NCOR2: variants seen among roughly 807,000 people sequenced by gnomAD.
NCOR2 encodes CTG repeat protein 26.
A neutral mutation model predicts 262.9 loss-of-function variants in NCOR2; 81 were observed. The observed-to-expected ratio is 0.31, with a 90% CI of 0.26 to 0.37. The LOEUF (loss-of-function observed/expected upper bound fraction) is 0.37. NCOR2 is among the 10% of genes least tolerant of loss of function. The pLI is 1.00. For synonymous variants in NCOR2, 1,659 were observed against 1,559.3 expected, an observed-to-expected ratio of 1.06 and a Z score of -1.51; for missense variants, 3,385 against 3,621.4, an observed-to-expected ratio of 0.93 and a Z score of 1.68.
chr12:124,517,236 T>C lies in NCOR2; in HGVS notation c.-118+18329A>G, dbSNP rs1023193826. ...CCAGGTCTGTGGCAAAGGAGCAACA[T>C]TGCCTGGAAGCCCAGCCCCCTCCCT... On this transcript the variant is annotated intron_variant, in intron 1 of 46. Transcript: ENST00000404621. The surrounding 1 kb of genome is among the most constrained non-coding windows in gnomAD (Gnocchi z 7.6). 4.6e-5 allele frequency among the ~76,000 whole-genome samples: 7 copies of C among 152,144 alleles called. No homozygotes were observed. The highest frequency in any genetic ancestry group is 4.2e-4 in the South Asian group (2 of 4,804).
intron 6 of NCOR2, among the ~76,000 whole-genome samples, chr12:124,452,691 G>A (rs928646554): frequency 2.0e-5 from 3 of 152,232 alleles, no homozygotes; most frequent in Non-Finnish European, 2.9e-5. Flanking sequence ...GGCACAGGGC[G>A]GGTGCAGAAA....
intron 1 of NCOR2, among the ~76,000 whole-genome samples, chr12:124,501,178 G>A (rs990332928): frequency 2.0e-5 from 3 of 151,996 alleles, no homozygotes; most frequent in Admixed American, 6.5e-5. Context: ...GAACCACGGC[G>A]GGAACACAGG....
chr12:124,412,851 C>T (rs1211106603), intron 13 of NCOR2, among the ~76,000 whole-genome samples: 2 of 152,204 alleles, frequency 1.3e-5, no homozygotes, highest in Non-Finnish European at 2.9e-5. Context: ...CCGGTGATTC[C>T]GACATGCACT....
chr12:124,553,487 G>A (rs901364528), intron 1 of NCOR2, among the ~76,000 whole-genome samples: 1 of 152,190 alleles, frequency 6.6e-6, no homozygotes, highest in East Asian at 1.9e-4. Flanking sequence ...CCCAACAGGC[G>A]ATTCCCCAGG....
At chr12:124,336,592 A>G (rs1593106494) in intron 38 of NCOR2, 161 bp downstream of exon 40, 1 of 983,200 alleles carries the variant, frequency 1.0e-6, no homozygotes, top group Non-Finnish European at 1.2e-6. Context: ...AGATCTGAAA[A>G]TATCTTTGGA....
At chr12:124,539,998 C>G (rs1186341253), upstream of NCOR2, among the ~76,000 whole-genome samples, 1 of 152,160 alleles carries the variant, frequency 6.6e-6, no homozygotes, top group Non-Finnish European at 1.5e-5. This position sits in a 1 kb window ranked among gnomAD's most constrained non-coding sequence, Gnocchi z 5.1. Flanking sequence ...GACCAGGACA[C>G]CATCAACCTT....
At position 124,347,881 on chromosome 12, in the gene NCOR2, C is replaced by T. The variant is rs757239625; in HGVS notation, c.4016G>A (p.Arg1339Gln). The T allele has an allele frequency of 1.7e-5, 27 of 1,566,766 alleles. No individual in the cohort carries two copies. Among genetic ancestry groups the T allele is most frequent in the Admixed American group, 1.5e-4 (8 of 52,852 alleles). ...CTCTTTGAGGTGGTGGGGGCTGTGT[C>T]GCTCCGGCGGGATGGCACGGCCCAT... is the stretch of plus-strand genomic sequence containing the variant. The change falls in exon 30 of 47, where the codon CGA (arginine) becomes CAA (glutamine). Residue 1339 changes from arginine (R) to glutamine (Q), a missense_variant. By Grantham distance (43) the Arg-to-Gln change is conservative. This residue lies in a region of NCOR2 where 1,615 missense variants were observed against 1,626.9 expected (regional missense o/e 0.99). Coordinates refer to ENST00000405201, the Ensembl canonical transcript of NCOR2.
At position 124,380,415 on chromosome 12, in the gene NCOR2, A is replaced by G. The variant is rs573152883; in HGVS notation, c.2020-2031T>C. Among the ~76,000 whole-genome samples the G allele has an allele frequency of 1.4e-4, 21 of 152,326 alleles. No homozygotes were observed. The South Asian group carries it at 4.3e-3, about 32-fold the overall frequency. ...GTTTCCGACACCAACAGTCGGCCAGAGGGCCACAGCCCTGCCCCTGCCAGT... is the reference window on the plus strand; with the variant it reads ...GTTTCCGACACCAACAGTCGGCCAGGGGGCCACAGCCCTGCCCCTGCCAGT... On this transcript the variant is annotated intron_variant, in intron 17 of 46. Transcript: ENST00000405201.
chr12:124,506,219 G>A (rs2049027664), intron 1 of NCOR2, among the ~76,000 whole-genome samples: 1 of 152,232 alleles, frequency 6.6e-6, no homozygotes, highest in African/African-American at 2.4e-5. Context: ...AGAAAACTGA[G>A]GCTCGGAAAG....
At chr12:124,362,367 G>A in intron 21 of NCOR2, 70 bp from the exon 24 acceptor site, 1 of 1,295,096 alleles carries the variant, frequency 7.7e-7, no homozygotes, top group Admixed American at 3.2e-5. Flanking sequence ...GGAGAGACAT[G>A]CACGCGACCA....
Position 124,378,342 on chromosome 12 carries a change from C to G in NCOR2, c.2062G>C (p.Ala688Pro), listed in dbSNP as rs2040172121. The G allele has an allele frequency of 1.2e-6, 2 of 1,613,756 alleles. No individual in the cohort carries two copies. Among genetic ancestry groups the G allele is most frequent in the South Asian group, 1.1e-5 (1 of 91,080 alleles). The stretch of plus-strand genomic sequence containing the variant: ...AATGCAGCCTCCTCGCTGGCCGCCG[C>G]CGGCGCTTTCTTCTTCTTCCTCCGC... Residue 688 changes from alanine to proline, a missense_variant, in exon 18 of 47, where the codon GCG (alanine) becomes CCG (proline). Ala to Pro is a conservative substitution (Grantham distance 27). Coordinates refer to ENST00000405201, the Ensembl canonical transcript of NCOR2. The surrounding 1 kb of genome is among the most constrained non-coding windows in gnomAD (Gnocchi z 4.2).
exon 30 of NCOR2, chr12:124,347,862 G>C (rs1258510821): frequency 6.4e-7 from 1 of 1,569,098 alleles, no homozygotes; most frequent in South Asian, 1.2e-5. Flanking sequence ...GCTGCTCTTT[G>C]AGGTGGTGGG....
chr12:124,469,634 A>C (rs2136676502), intron 4 of NCOR2, among the ~76,000 whole-genome samples: 1 of 152,318 alleles, frequency 6.6e-6, no homozygotes, highest in East Asian at 1.9e-4. Context: ...CCAGCTCTGC[A>C]GCCTCAGCCA....
At chr12:124,339,892 T>TTCCCCCCCCCC in intron 37 of NCOR2, 114 bp downstream of exon 39, 5 of 672,808 alleles carry the variant, frequency 7.4e-6, no homozygotes, top group South Asian at 3.6e-5. Flanking sequence ...CCCACACATC[T>TTCCCCCCCCCC]GCCCACCCAC....
At chr12:124,372,254 C>T (rs1292964006) in exon 20 of NCOR2, 3 of 1,587,866 alleles carry the variant, frequency 1.9e-6, no homozygotes, top group Non-Finnish European at 2.6e-6. Flanking sequence ...ACGGGCTCCT[C>T]GGCCTTCCCT....
intron 1 of NCOR2, among the ~76,000 whole-genome samples, chr12:124,560,328 C>T (rs368814289): frequency 9.0e-4 from 137 of 152,364 alleles, no homozygotes; most frequent in African/African-American, 3.2e-3. Context: ...AATGAGTGAG[C>T]GTGGCTGCAT....
At chr12:124,439,616 G>A (rs1335564569) in intron 7 of NCOR2, among the ~76,000 whole-genome samples, 1 of 152,042 alleles carries the variant, frequency 6.6e-6, no homozygotes, top group Non-Finnish European at 1.5e-5. Context: ...TGGGAGAAGG[G>A]GAGACACAGA....
intron 1 of NCOR2, among the ~76,000 whole-genome samples, chr12:124,510,599 G>A (rs2049343717): frequency 6.6e-6 from 1 of 152,224 alleles, no homozygotes; most frequent in Non-Finnish European, 1.5e-5. Flanking sequence ...CACCTCCTGT[G>A]TCCAGCTCAC....
At chr12:124,534,268 C>A (rs2051004141) in intron 1 of NCOR2, among the ~76,000 whole-genome samples, 6 of 152,098 alleles carry the variant, frequency 3.9e-5, no homozygotes, top group Admixed American at 3.9e-4. Context: ...ACCAGCCTGG[C>A]CAACATGGCG....
Sources: gnomAD v4.1 joint callset for allele counts (sites outside exome capture counted in the v4.1 genomes callset) on GRCh38, gnomAD v4.1.1 for gene constraint, gnomAD v4.1.1 regional missense constraint, Gnocchi (gnomAD v3.1) non-coding constraint, MANE v1.5 for transcripts, NCBI Gene and HGNC (gene_info 2026-07-23, HGNC 2026-07-21) for gene names.